Variants in MID1 observed in about 807,000 individuals in gnomAD.
MID1 encodes the protein midline 1, also known as E3 ubiquitin-protein ligase Midline-1.
Under a neutral mutation model 40.4 loss-of-function variants are expected in MID1, and 7 were observed. The ratio of observed to expected loss-of-function variants is 0.17; its 90% confidence interval spans 0.10 to 0.33. The LOEUF (loss-of-function observed/expected upper bound fraction) is 0.33. MID1 is among the 10% of genes least tolerant of loss of function. The pLI is 1.00. For synonymous variants in MID1, 229 were observed against 221.2 expected (o/e 1.04, Z -0.31); for missense variants, 367 against 558.5 (o/e 0.66, Z 3.46).
At chrX:10,590,383 C>T (rs192668426) in intron 1 of MID1, among the ~76,000 whole-genome samples, 1 of 111,408 alleles carries the variant, frequency 9.0e-6, no homozygotes, top group African/African-American at 3.3e-5. Flanking sequence ...TAGCAGAGAC[C>T]AAGAGAAGAG....
At chrX:10,589,759 C>T (rs952078999) in intron 1 of MID1, 2 of 110,589 alleles carry the variant, frequency 1.8e-5, no homozygotes, top group Admixed American at 9.6e-5. Context: ...TGGAGTCCCC[C>T]GCAGGGATGT....
At chrX:10,703,628 C>T (rs1319175829) in intron 1 of MID1, among the ~76,000 whole-genome samples, 1 of 111,860 alleles carries the variant, frequency 8.9e-6, no homozygotes, top group Non-Finnish European at 1.9e-5. Flanking sequence ...GATCATGTCA[C>T]TGGACTCCAG....
chrX:10,545,749 C>CAGGAGG (rs998322195), intron 2 of MID1, among the ~76,000 whole-genome samples: 3 of 111,126 alleles, frequency 2.7e-5, no homozygotes, highest in Admixed American at 9.6e-5. Context: ...GGAGAAGGAG[C>CAGGAGG]AGGAGGAGGA....
intron 1 of MID1, among the ~76,000 whole-genome samples, chrX:10,777,308 C>T (rs1464157280): frequency 9.0e-6 from 1 of 110,879 alleles, no homozygotes; most frequent in Non-Finnish European, 1.9e-5. Flanking sequence ...CGCCATTCTC[C>T]TGCCTCAGCC....
At chrX:10,789,086 G>A (rs527527170) in intron 1 of MID1, among the ~76,000 whole-genome samples, 41 of 111,520 alleles carry the variant, frequency 3.7e-4, no homozygotes, top group Non-Finnish European at 6.4e-4. Flanking sequence ...CCAGCTATTC[G>A]GGAGGCTGAG....
At chrX:10,471,594 G>T (rs1023305790) in intron 6 of MID1, among the ~76,000 whole-genome samples, 1 of 111,993 alleles carries the variant, frequency 8.9e-6, no homozygotes, top group Non-Finnish European at 1.9e-5. Flanking sequence ...GTATGACTTG[G>T]ATGTGCATGA....
chrX:10,806,269 C>G (rs1449789572), intron 1 of MID1, among the ~76,000 whole-genome samples: 1 of 112,037 alleles, frequency 8.9e-6, no homozygotes, highest in Non-Finnish European at 1.9e-5. Context: ...AGGAAGCGAT[C>G]CAGTTTCAGC....
intron 1 of MID1, among the ~76,000 whole-genome samples, chrX:10,818,887 T>C (rs961888779): frequency 4.5e-5 from 5 of 111,869 alleles, no homozygotes; most frequent in Admixed American, 9.5e-5. Flanking sequence ...AGCTAACAAG[T>C]GACACAGTAG....
chrX:10,592,700 C>G (rs1006726933), intron 1 of MID1, among the ~76,000 whole-genome samples: 1 of 110,264 alleles, frequency 9.1e-6, no homozygotes, highest in East Asian at 2.8e-4. Context: ...ACGCACCCTA[C>G]CCTACTCATT....
chrX:10,627,019 G>T (rs1936002690), intron 1 of MID1, among the ~76,000 whole-genome samples: 1 of 112,079 alleles, frequency 8.9e-6, no homozygotes, highest in African/African-American at 3.2e-5. Flanking sequence ...GAAAGTGATT[G>T]TCCCTAGGGT....
chrX:10,510,848 A>G (rs868099324), intron 3 of MID1, among the ~76,000 whole-genome samples: 52 of 107,249 alleles, frequency 4.8e-4, no homozygotes, highest in African/African-American at 1.6e-3. Flanking sequence ...AAAAAAAAAA[A>G]AAAAAAGAAA....
At chrX:10,711,690 T>C (rs1003791511) in intron 1 of MID1, among the ~76,000 whole-genome samples, 9 of 112,626 alleles carry the variant, frequency 8.0e-5, no homozygotes, top group Non-Finnish European at 1.5e-4. Flanking sequence ...CAAGATGCAA[T>C]AGGCAGTGTA....
chrX:10,622,235 G>A (rs1033820253), upstream of MID1, among the ~76,000 whole-genome samples: 29 of 110,600 alleles, frequency 2.6e-4, no homozygotes, highest in African/African-American at 9.6e-4. Context: ...GTATGCCCCA[G>A]CCACAGGACA....
chrX:10,766,775 C>G (rs889396139), intron 1 of MID1, among the ~76,000 whole-genome samples: 4 of 109,059 alleles, frequency 3.7e-5, no homozygotes, highest in African/African-American at 1.3e-4. Context: ...TAAAACTTAG[C>G]CGGGTGTGGT....
intron 7 of MID1, among the ~76,000 whole-genome samples, chrX:10,463,031 T>C (rs1950910988): frequency 8.9e-6 from 1 of 112,160 alleles, no homozygotes; most frequent in Admixed American, 9.5e-5. Flanking sequence ...AGAATAAGAA[T>C]AGGCTGCTGG....
chrX:10,637,316 A>ATT (rs369003728), intron 1 of MID1, among the ~76,000 whole-genome samples: 3 of 104,201 alleles, frequency 2.9e-5, no homozygotes, highest in Admixed American at 1.0e-4. Context: ...TGCTTTATGT[A>ATT]TTTTTTTTTT....
intron 3 of MID1, among the ~76,000 whole-genome samples, chrX:10,521,753 G>A (rs189588457): frequency 8.9e-6 from 1 of 112,435 alleles, no homozygotes; most frequent in Non-Finnish European, 1.9e-5. Flanking sequence ...ATATACACCT[G>A]CAGTGCATTA....
intron 2 of MID1, chrX:10,565,181 G>A (rs1313630637): frequency 3.0e-6 from 1 of 329,534 alleles, no homozygotes; most frequent in Non-Finnish European, 5.9e-6. Context: ...GTCAGCGGCT[G>A]TCTTCTGTTG....
intron 2 of MID1, among the ~76,000 whole-genome samples, chrX:10,545,163 C>T (rs373850594): frequency 1.5e-3 from 167 of 111,083 alleles, no homozygotes; most frequent in African/African-American, 5.2e-3. Context: ...GGTTTCCCCA[C>T]GTTGACCAGG....
Sources: gnomAD v4.1 joint callset for allele counts (sites outside exome capture counted in the v4.1 genomes callset) on GRCh38, gnomAD v4.1.1 for gene constraint, MANE v1.5 for transcripts, NCBI Gene and HGNC (gene_info 2026-07-23, HGNC 2026-07-21) for gene names.